The following TOX variants were observed in gnomAD, a reference collection of about 807,000 sequenced individuals.
TOX encodes thymocyte selection associated high mobility group box, also known as thymocyte selection-associated high mobility group box protein TOX.
Under a neutral mutation model 53.7 loss-of-function variants are expected in TOX, and 11 were observed. The ratio of observed to expected loss-of-function variants is 0.20; its 90% CI spans 0.13 to 0.34. The LOEUF is 0.34. Among genes scored for constraint, TOX ranks in the 10% least tolerant of loss-of-function variants. The pLI, the probability that TOX is intolerant of heterozygous loss-of-function variation, is 1.00. For synonymous variants in TOX, 225 were observed against 245.3 expected, an observed-to-expected ratio of 0.92 and a Z score of 0.77; for missense variants, 570 against 664.6, an observed-to-expected ratio of 0.86 and a Z score of 1.56.
rs138553008 is a variant in TOX at position 58,952,826 on chromosome 8, A to G, written c.168+7117T>C. 1.1e-3 allele frequency among the ~76,000 whole-genome samples: 161 copies of G among 152,328 alleles called. 1 individual carries two copies. The highest frequency in any genetic ancestry group is 3.7e-3 in the African/African-American group (155 of 41,582). The stretch of plus-strand genomic sequence containing the variant: ...GAAACAAATAAAAAATGAACCTTAT[A>G]TTCACAAATCCCACAGCTTGGAAAT... On this transcript the variant is annotated intron_variant, in intron 2 of 8. Coordinates refer to ENST00000361421, the MANE Select transcript of TOX (RefSeq NM_014729.3).
intron 3 of TOX, among the ~76,000 whole-genome samples, chr8:58,902,797 C>T (rs1811752673): frequency 6.6e-6 from 1 of 152,212 alleles, no homozygotes; most frequent in African/African-American, 2.4e-5. Flanking sequence ...CTATGCCTTA[C>T]AAAATGCTGA....
At chr8:58,815,784 A>T in intron 6 of TOX, 60 bp from the exon 7 acceptor site, 1 of 1,525,658 alleles carries the variant, frequency 6.6e-7, no homozygotes, top group South Asian at 1.3e-5. Flanking sequence ...GATTCAAGGT[A>T]TGACGCTTTG....
At chr8:58,899,599 A>AT (rs923607336) in intron 3 of TOX, among the ~76,000 whole-genome samples, 86 of 151,614 alleles carry the variant, frequency 5.7e-4, no homozygotes, top group African/African-American at 1.1e-3. Context: ...GATTTCTGAC[A>AT]TTTTTTTTTG....
chr8:58,981,749 C>T (rs1375324733), intron 1 of TOX, among the ~76,000 whole-genome samples: 2 of 152,156 alleles, frequency 1.3e-5, no homozygotes, highest in African/African-American at 4.8e-5. Context: ...TTCTCCTCCT[C>T]TTCATCTCCA....
intron 1 of TOX, among the ~76,000 whole-genome samples, chr8:59,092,307 T>TATATACAC: frequency 8.9e-6 from 1 of 112,152 alleles, no homozygotes; most frequent in Admixed American, 9.5e-5. Context: ...ATATATTATA[T>TATATACAC]ATTATATATA....
At position 58,994,215 on chromosome 8, in the gene TOX, A is replaced by T. The variant is rs1056805990; in HGVS notation, c.103-34207T>A. Among the ~76,000 whole-genome samples the T allele has an allele frequency of 4.6e-5, 7 of 152,170 alleles. No homozygotes were observed. In the South Asian group the frequency reaches 1.5e-3, roughly 32 times the overall value. On this transcript the variant is annotated intron_variant, in intron 1 of 8. Coordinates refer to ENST00000361421, the MANE Select transcript of TOX (RefSeq NM_014729.3). ...GTCTGCATGGAGTGGTGTAGCAATG[A>T]CAGAGAGGAGACGGACTCAGAGAAA...
chr8:58,971,692 T>C (rs1012404495), intron 1 of TOX, among the ~76,000 whole-genome samples: 1 of 16,414 alleles, frequency 6.1e-5, no homozygotes, highest in Non-Finnish European at 9.8e-5. Context: ...ATTTTTTTCG[T>C]TTTGTTTTTT....
chr8:58,885,241 G>T (rs1811446501), intron 3 of TOX, among the ~76,000 whole-genome samples: 1 of 152,006 alleles, frequency 6.6e-6, no homozygotes, highest in Non-Finnish European at 1.5e-5. Flanking sequence ...TACGACAAAA[G>T]CAGTAATCTC....
intron 3 of TOX, among the ~76,000 whole-genome samples, chr8:58,902,485 C>A (rs1483748839): frequency 1.3e-5 from 2 of 152,164 alleles, no homozygotes; most frequent in African/African-American, 4.8e-5. Flanking sequence ...GGAAGCACCT[C>A]ATTTGAGACT....
chr8:58,857,577 G>A (rs779288616), intron 3 of TOX, among the ~76,000 whole-genome samples: 90 of 152,180 alleles, frequency 5.9e-4, no homozygotes, highest in Admixed American at 1.4e-3. Flanking sequence ...AATCAATTAG[G>A]AAGCCAAAGC....
chr8:59,049,725 A>G (rs1049612956), intron 1 of TOX, among the ~76,000 whole-genome samples: 4 of 152,210 alleles, frequency 2.6e-5, no homozygotes, highest in African/African-American at 9.6e-5. Context: ...ACACTCAGGT[A>G]GAAGAGCATT....
At chr8:58,820,925 T>C (rs1024992975) in intron 6 of TOX, among the ~76,000 whole-genome samples, 6 of 152,180 alleles carry the variant, frequency 3.9e-5, no homozygotes, top group African/African-American at 1.4e-4. Context: ...CATAATAATT[T>C]AGATCCATGT....
At chr8:59,081,369 A>C (rs912382099) in intron 1 of TOX, among the ~76,000 whole-genome samples, 31 of 152,162 alleles carry the variant, frequency 2.0e-4, no homozygotes, top group Non-Finnish European at 5.9e-5. Context: ...CTGTGTATAA[A>C]GGGAGTTTTC....
In TOX at chr8:59,049,088, TTTG is replaced by T. The variant is rs1483721805; in HGVS notation, c.102+69795_102+69797del. Reference sequence around the variant, plus strand: ...AAATCATTTTATCTATCCATTATTATTTGGCCCGGTAATGAAAATGAAAAAAAC... The same window carrying T: ...AAATCATTTTATCTATCCATTATTATGCCCGGTAATGAAAATGAAAAAAAC... On this transcript the variant is annotated intron_variant, in intron 1 of 8. Coordinates refer to ENST00000361421, the MANE Select transcript of TOX (RefSeq NM_014729.3). 1.1e-4 allele frequency among the ~76,000 whole-genome samples: 15 copies of T among 131,766 alleles called. No homozygotes were observed. The South Asian group carries it at 5.1e-3, about 45-fold the overall frequency. The allele number at this position is 131,766 out of a possible 152,430, so 86.4% of individuals were successfully genotyped here.
At chr8:59,013,431 G>C (rs1467051045) in intron 1 of TOX, among the ~76,000 whole-genome samples, 1 of 142,440 alleles carries the variant, frequency 7.0e-6, no homozygotes, top group Non-Finnish European at 1.5e-5. Flanking sequence ...TTTTTCTTGA[G>C]ACGAAGTCTG....
At chr8:58,827,002 T>G in intron 5 of TOX, 100 bp from the exon 6 acceptor site, 1 of 644,886 alleles carries the variant, frequency 1.6e-6, no homozygotes, top group Non-Finnish European at 2.3e-6. Flanking sequence ...AACACACTTA[T>G]AGTTATATAA....
chr8:58,936,008 G>A (rs1401583057), intron 3 of TOX, among the ~76,000 whole-genome samples: 1 of 152,156 alleles, frequency 6.6e-6, no homozygotes, highest in Non-Finnish European at 1.5e-5. Context: ...GGCGCCAGCG[G>A]CTTTCCATAA....
chr8:58,827,495 C>T (rs2129165921), intron 5 of TOX, among the ~76,000 whole-genome samples: 1 of 152,264 alleles, frequency 6.6e-6, no homozygotes, highest in Non-Finnish European at 1.5e-5. Flanking sequence ...GAATGGGAAG[C>T]CCAAGTGGCT....
At chr8:59,085,371 C>T (rs1385876479) in intron 1 of TOX, among the ~76,000 whole-genome samples, 1 of 149,484 alleles carries the variant, frequency 6.7e-6, no homozygotes, top group Non-Finnish European at 1.5e-5. Flanking sequence ...AATCTGAAAT[C>T]ATAATTTTCT....
Sources: allele counts gnomAD v4.1 joint callset (sites outside exome capture counted in the v4.1 genomes callset), GRCh38; gene constraint gnomAD v4.1.1; transcripts MANE v1.5; gene names NCBI Gene and HGNC (gene_info 2026-07-23, HGNC 2026-07-21).